PPM1E: variants seen among roughly 807,000 people sequenced by gnomAD.
The protein encoded by PPM1E is protein phosphatase, Mg2+/Mn2+ dependent 1E.
PPM1E carries 20 observed loss-of-function variants against 65.9 expected under a neutral mutation model. The ratio of observed to expected loss-of-function variants is 0.30; its 90% confidence interval spans 0.21 to 0.44. PPM1E has a LOEUF of 0.44. PPM1E is among the 20% of genes least tolerant of loss of function. The pLI is 1.00. For synonymous variants in PPM1E, 352 were observed against 374.9 expected (o/e 0.94, Z 0.70); for missense variants, 713 against 953.1 (o/e 0.75, Z 3.32).
chr17:58,757,453 A>G lies in PPM1E; in HGVS notation c.464+992A>G, dbSNP rs9894194. ...TTGTTCCGAAATAATGACAGAGGAG[A>G]ATACTAGTAAGTCTCTGAAAACATT... On this transcript the variant is annotated intron_variant, in intron 1 of 6. Transcript: ENST00000308249. Among the ~76,000 whole-genome samples, 141 of 152,272 alleles carry G rather than the reference A, an allele frequency of 9.3e-4. 1 individual carries two copies. The highest frequency in any genetic ancestry group is 3.3e-3 in the African/African-American group (138 of 41,558).
At chr17:58,904,864 A>AC (rs1383895508) in intron 1 of PPM1E, among the ~76,000 whole-genome samples, 2 of 151,738 alleles carry the variant, frequency 1.3e-5, no homozygotes, top group African/African-American at 4.8e-5. Flanking sequence ...TACAAAAAAA[A>AC]AAAAAAAAAT....
intron 1 of PPM1E, among the ~76,000 whole-genome samples, chr17:58,908,947 G>A (rs1256821528): frequency 6.6e-6 from 1 of 151,864 alleles, no homozygotes; most frequent in Non-Finnish European, 1.5e-5. Context: ...TAAGCATATG[G>A]ATATATATAC....
chr17:58,917,218 GAA>G (rs201768744), intron 1 of PPM1E, among the ~76,000 whole-genome samples: 159 of 128,760 alleles, frequency 1.2e-3, no homozygotes, highest in Admixed American at 1.4e-3. Context: ...TCAAAAAAAA[GAA>G]AAAAAAAAAA....
chr17:58,981,281 C>A lies in PPM1E; in HGVS notation c.*250C>A. ...TGTGTCTCGACACCAATACACAACCCCCTTCCCACCATCCTTCATGTCACT... is the reference window on the plus strand; with the variant it reads ...TGTGTCTCGACACCAATACACAACCACCTTCCCACCATCCTTCATGTCACT... On this transcript the variant is annotated 3_prime_UTR_variant, in exon 7 of 7. Coordinates refer to ENST00000308249, the MANE Select transcript of PPM1E (RefSeq NM_014906.5). The A allele has an allele frequency of 2.4e-6, 1 of 411,124 alleles. No individual in the cohort carries two copies. Among genetic ancestry groups the A allele is most frequent in the Non-Finnish European group, 4.3e-6 (1 of 232,416 alleles). 25.5% of individuals were successfully genotyped at this position (411,124 alleles called of 1,614,324 possible).
chr17:58,942,917 GGA>G (rs1245938972), intron 1 of PPM1E, among the ~76,000 whole-genome samples: 1 of 152,020 alleles, frequency 6.6e-6, no homozygotes, highest in East Asian at 1.9e-4. Context: ...CAGTTACTCA[GGA>G]GGTTGAGGTG....
chr17:58,851,245 T>C (rs535555639), intron 1 of PPM1E, among the ~76,000 whole-genome samples: 5 of 152,272 alleles, frequency 3.3e-5, no homozygotes, highest in African/African-American at 4.8e-5. Context: ...TCGGAGAAGT[T>C]TGTTATTACC....
chr17:58,908,370 G>A (rs1252266341), intron 1 of PPM1E, among the ~76,000 whole-genome samples: 2 of 146,208 alleles, frequency 1.4e-5, no homozygotes, highest in East Asian at 2.1e-4. Flanking sequence ...TGAGCCACCC[G>A]GCCTGTTGTT....
Position 58,824,594 on chromosome 17 carries a change from G to GTT in PPM1E, c.464+68145_464+68146dup, listed in dbSNP as rs34305641. ...ATGCTGTTGTTTGCTTCTTTCTGTT[G>GTT]TTTTTTTTTTTTTGAGACGGAGTCT... On this transcript the variant is annotated intron_variant, in intron 1 of 6. Coordinates refer to ENST00000308249, the MANE Select transcript of PPM1E (RefSeq NM_014906.5). Among the ~76,000 whole-genome samples the GTT allele has an allele frequency of 3.1e-3, 443 of 142,222 alleles. 2 individuals are homozygous for GTT. Among genetic ancestry groups the GTT allele is most frequent in the African/African-American group, 9.4e-3 (368 of 39,062 alleles). The allele number at this position is 142,222 out of a possible 152,430, so 93.3% of individuals were successfully genotyped here. A position where few individuals can be genotyped will look rare whatever the true frequency, so the allele number is the denominator to read the frequency against.
At chr17:58,837,259 T>TAA (rs2050669167) in intron 1 of PPM1E, among the ~76,000 whole-genome samples, 1 of 30,642 alleles carries the variant, frequency 3.3e-5, no homozygotes, top group African/African-American at 1.1e-4. Context: ...CTTAAAAAAA[T>TAA]TAAAAAAAAA....
chr17:58,950,655 A>G (rs547613377), intron 1 of PPM1E, among the ~76,000 whole-genome samples: 2 of 151,954 alleles, frequency 1.3e-5, no homozygotes, highest in South Asian at 2.1e-4. Context: ...AGTTTTTTCA[A>G]AAGACCTGTC....
At chr17:58,829,332 G>A (rs572088792) in intron 1 of PPM1E, among the ~76,000 whole-genome samples, 64 of 152,256 alleles carry the variant, frequency 4.2e-4, no homozygotes, top group African/African-American at 1.2e-3. Flanking sequence ...GTGAGCCACC[G>A]TGCCTGGCCC....
intron 1 of PPM1E, among the ~76,000 whole-genome samples, chr17:58,909,918 C>CTTTTTTTTTTT (rs1028608937): frequency 1.0e-5 from 1 of 100,128 alleles, no homozygotes. Flanking sequence ...TTTCTTTTTT[C>CTTTTTTTTTTT]TTTTTCTTTT....
At chr17:58,886,615 C>T (rs920617928) in intron 1 of PPM1E, among the ~76,000 whole-genome samples, 1 of 152,194 alleles carries the variant, frequency 6.6e-6, no homozygotes, top group Non-Finnish European at 1.5e-5. Context: ...GCTTGAATTA[C>T]TGGCATTAAC....
intron 1 of PPM1E, among the ~76,000 whole-genome samples, chr17:58,820,270 C>A (rs188526224): frequency 1.3e-5 from 2 of 152,078 alleles, no homozygotes; most frequent in Admixed American, 1.3e-4. Context: ...CAATGATAAA[C>A]GGCATGAATT....
chr17:58,898,529 G>A (rs2051453842), intron 1 of PPM1E, among the ~76,000 whole-genome samples: 1 of 152,130 alleles, frequency 6.6e-6, no homozygotes, highest in African/African-American at 2.4e-5. Flanking sequence ...GAGAGGATGT[G>A]GAGAAATAGG....
intron 1 of PPM1E, among the ~76,000 whole-genome samples, chr17:58,796,779 T>TTGGTTG (rs1351982852): frequency 1.1e-4 from 16 of 152,166 alleles, no homozygotes; most frequent in Non-Finnish European, 2.9e-5. Context: ...TGTTTATACA[T>TTGGTTG]CATTCTATCC....
chr17:58,766,196 GTTTT>G (rs10604459), intron 1 of PPM1E, among the ~76,000 whole-genome samples: 2 of 65,134 alleles, frequency 3.1e-5, no homozygotes, highest in African/African-American at 1.3e-4. Flanking sequence ...TGTAATTTCT[GTTTT>G]TTTTTTTTTT....
chr17:58,789,727 A>G (rs957944235), intron 1 of PPM1E, among the ~76,000 whole-genome samples: 9 of 105,778 alleles, frequency 8.5e-5, no homozygotes, highest in African/African-American at 3.3e-4. Context: ...TATGGATCAC[A>G]TCTGAGAGTC....
At chr17:58,873,295 T>A (rs1268768948) in intron 1 of PPM1E, among the ~76,000 whole-genome samples, 4 of 152,206 alleles carry the variant, frequency 2.6e-5, no homozygotes, top group Non-Finnish European at 4.4e-5. Flanking sequence ...AGTTCTGTAT[T>A]ATACTATCAA....
Sources: gnomAD v4.1 joint callset for allele counts (sites outside exome capture counted in the v4.1 genomes callset) on GRCh38, gnomAD v4.1.1 for gene constraint, MANE v1.5 for transcripts, NCBI Gene and HGNC (gene_info 2026-07-23, HGNC 2026-07-21) for gene names.